Variants in PIP4K2A observed in about 807,000 individuals in gnomAD.
PIP4K2A encodes the protein phosphatidylinositol 5-phosphate 4-kinase type-2 alpha.
A neutral mutation model predicts 42.9 loss-of-function variants in PIP4K2A; 14 were observed. The observed-to-expected ratio is 0.33, with a 90% confidence interval of 0.22 to 0.51. PIP4K2A has a LOEUF of 0.51. Ranked by LOEUF, PIP4K2A falls within the 20% of genes least tolerant of loss-of-function variation. The probability of loss-of-function intolerance (pLI) is 0.97; values close to 1 mark genes in which losing one functional copy is unlikely to be tolerated. For missense variants in PIP4K2A, 434 were observed against 519.8 expected, an observed-to-expected ratio of 0.83 and a Z score of 1.61; for synonymous variants, 192 against 192.2, an observed-to-expected ratio of 1.00 and a Z score of 0.01.
intron 3 of PIP4K2A, among the ~76,000 whole-genome samples, chr10:22,595,232 A>G (rs892305057): frequency 6.6e-6 from 1 of 152,122 alleles, no homozygotes; most frequent in African/African-American, 2.4e-5. Context: ...AGCTAGATCC[A>G]TTTTTCCCAC....
intron 1 of PIP4K2A, among the ~76,000 whole-genome samples, chr10:22,641,188 A>C (rs753913957): frequency 6.6e-6 from 1 of 151,932 alleles, no homozygotes; most frequent in Non-Finnish European, 1.5e-5. Context: ...ACCTAATCTA[A>C]CCCCCTCATT....
In PIP4K2A at chr10:22,569,137, C is replaced by T. The variant is rs977725374; in HGVS notation, c.640-1248G>A. On this transcript the variant is annotated intron_variant, in intron 5 of 9. Transcript: ENST00000376573. ...CTAGGATTGAGCTTCCTGCAATTCA[C>T]AGATGCGGAAACTTGAACGGAAGAG... is the stretch of plus-strand genomic sequence containing the variant. 5 of 1,011,840 alleles carry T rather than the reference C, an allele frequency of 4.9e-6. No homozygotes were observed. The Admixed American group carries it at 6.0e-5, about 12-fold the overall frequency. 62.7% of individuals were successfully genotyped at this position (1,011,840 alleles called of 1,614,324 possible). A position where few individuals can be genotyped will look rare whatever the true frequency, so the allele number is the denominator to read the frequency against.
intron 1 of PIP4K2A, among the ~76,000 whole-genome samples, chr10:22,658,785 A>C (rs1187753029): frequency 2.6e-5 from 4 of 152,274 alleles, no homozygotes; most frequent in Non-Finnish European, 1.5e-5. Context: ...TCTGCAGAGC[A>C]ATTCCATTGG....
chr10:22,573,202 C>T, intron 5 of PIP4K2A, 109 bp downstream of exon 5: 1 of 968,260 alleles, frequency 1.0e-6, no homozygotes, highest in Non-Finnish European at 1.6e-6. Context: ...TGTCTGGTAG[C>T]TTTAAGTGCT....
chr10:22,545,713 TTTTG>T (rs1424563151), intron 7 of PIP4K2A, among the ~76,000 whole-genome samples: 5 of 152,212 alleles, frequency 3.3e-5, no homozygotes, highest in Admixed American at 6.5e-5. Flanking sequence ...CATGTTTTCT[TTTTG>T]TTTAAGAGAT....
chr10:22,705,426 TAAAAAAAAAAA>T (rs150254345), intron 1 of PIP4K2A, among the ~76,000 whole-genome samples: 1,542 of 29,122 alleles, frequency 0.053, 31 homozygotes, highest in Non-Finnish European at 0.064. Flanking sequence ...GTACCCCAGT[TAAAAAAAAAAA>T]AAAAAAAAAA....
intron 1 of PIP4K2A, among the ~76,000 whole-genome samples, chr10:22,629,924 T>C (rs910922575): frequency 1.3e-5 from 2 of 152,188 alleles, no homozygotes; most frequent in African/African-American, 4.8e-5. Context: ...AAAGATATTT[T>C]ACTTTCACTA....
At chr10:22,708,013 G>A (rs1833851923) in intron 1 of PIP4K2A, among the ~76,000 whole-genome samples, 1 of 152,184 alleles carries the variant, frequency 6.6e-6, no homozygotes, top group African/African-American at 2.4e-5. Flanking sequence ...AGGGAAATAA[G>A]CTAGGGGGGT....
intron 4 of PIP4K2A, among the ~76,000 whole-genome samples, chr10:22,588,197 T>C (rs1837441040): frequency 6.6e-6 from 1 of 152,250 alleles, no homozygotes; most frequent in African/African-American, 2.4e-5. Flanking sequence ...TAAATGTAAT[T>C]TAAAAATGGA....
intron 1 of PIP4K2A, among the ~76,000 whole-genome samples, chr10:22,635,488 G>A (rs1392687673): frequency 6.6e-6 from 1 of 152,222 alleles, no homozygotes; most frequent in African/African-American, 2.4e-5. Flanking sequence ...TGAGAGGGAA[G>A]AGACTGTTAC....
intron 1 of PIP4K2A, among the ~76,000 whole-genome samples, chr10:22,693,499 T>C (rs935009111): frequency 1.3e-5 from 2 of 152,176 alleles, no homozygotes; most frequent in African/African-American, 4.8e-5. Context: ...CAGTAATAGC[T>C]AGACAAAGCA....
chr10:22,680,973 C>CT (rs1237943487), intron 1 of PIP4K2A, among the ~76,000 whole-genome samples: 1 of 152,120 alleles, frequency 6.6e-6, no homozygotes, highest in Non-Finnish European at 1.5e-5. Flanking sequence ...GAAAATAGCC[C>CT]TTATCCCAGA....
chr10:22,648,849 T>G (rs1362322058), intron 1 of PIP4K2A, among the ~76,000 whole-genome samples: 1 of 152,212 alleles, frequency 6.6e-6, no homozygotes, highest in Non-Finnish European at 1.5e-5. Flanking sequence ...AGGATACACA[T>G]TCCTGAAACA....
chr10:22,581,503 G>A (rs897863325), intron 4 of PIP4K2A, among the ~76,000 whole-genome samples: 1 of 145,540 alleles, frequency 6.9e-6, no homozygotes, highest in East Asian at 2.0e-4. Context: ...GGCTGAGGCA[G>A]GAGGGTTGCT....
At chr10:22,678,144 A>C (rs1214081214) in intron 1 of PIP4K2A, among the ~76,000 whole-genome samples, 2 of 152,148 alleles carry the variant, frequency 1.3e-5, no homozygotes, top group Non-Finnish European at 2.9e-5. Context: ...GGACTTTAAA[A>C]AAAAAATCTC....
intron 1 of PIP4K2A, among the ~76,000 whole-genome samples, chr10:22,698,063 T>G (rs1252907099): frequency 6.6e-6 from 1 of 151,866 alleles, no homozygotes; most frequent in South Asian, 2.1e-4. Context: ...CTGCTTAGAG[T>G]CCGACGAAGA....
chr10:22,593,931 C>T (rs1018775861), intron 3 of PIP4K2A, among the ~76,000 whole-genome samples: 1 of 152,116 alleles, frequency 6.6e-6, no homozygotes, highest in Non-Finnish European at 1.5e-5. Context: ...TTTCATAGAT[C>T]GTTTTCTTAT....
intron 1 of PIP4K2A, among the ~76,000 whole-genome samples, chr10:22,671,841 T>C (rs780299671): frequency 2.0e-5 from 3 of 151,930 alleles, no homozygotes; most frequent in Admixed American, 1.3e-4. Context: ...TGTTCTTTCA[T>C]GAAGTAGACA....
chr10:22,642,769 CAA>C (rs1838807382), intron 1 of PIP4K2A, among the ~76,000 whole-genome samples: 1 of 152,008 alleles, frequency 6.6e-6, no homozygotes, highest in South Asian at 2.1e-4. Flanking sequence ...AAAAGACCAA[CAA>C]AGTCTCTGTG....
Sources: gnomAD v4.1 joint callset for allele counts (sites outside exome capture counted in the v4.1 genomes callset) on GRCh38, gnomAD v4.1.1 for gene constraint, MANE v1.5 for transcripts, NCBI Gene and HGNC (gene_info 2026-07-23, HGNC 2026-07-21) for gene names.